KAZN: variants seen among roughly 807,000 people sequenced by gnomAD.
KAZN encodes kazrin, periplakin interacting protein, also known as kazrin.
KAZN carries 40 observed loss-of-function variants against 87.4 expected under a neutral mutation model. That is an observed-to-expected ratio of 0.46 (90% CI 0.36 to 0.60). The LOEUF is 0.60. KAZN is among the 20% of genes least tolerant of loss of function. The pLI is 0.00. For synonymous variants in KAZN, 466 were observed against 458.3 expected (o/e 1.02, Z -0.22); for missense variants, 898 against 1,073.9 (o/e 0.84, Z 2.29).
chr1:14,302,222 G>A (rs1371505060), intron 2 of KAZN, among the ~76,000 whole-genome samples: 1 of 152,202 alleles, frequency 6.6e-6, no homozygotes. Flanking sequence ...GACAAGTTTG[G>A]GAGCTGCAGT....
At position 14,931,274 on chromosome 1, in the gene KAZN, T is replaced by TAA. The variant is rs34539653; in HGVS notation, c.227-29399_227-29398dup. On this transcript the variant is annotated intron_variant, in intron 1 of 14. Transcript: ENST00000376030. ...CAACATGGTGAAACCCCATCTCTACTAAAAAAAAAAAATACAAAAATGAGC... is the reference window on the plus strand; with the variant it reads ...CAACATGGTGAAACCCCATCTCTACTAAAAAAAAAAAAAATACAAAAATGAGC... Among the ~76,000 whole-genome samples, 19 of 144,454 alleles carry TAA rather than the reference T, an allele frequency of 1.3e-4. No individual in the cohort carries two copies. In the East Asian group the frequency reaches 1.6e-3, roughly 12 times the overall value. The allele number at this position is 144,454 out of a possible 152,430, so 94.8% of individuals were successfully genotyped here.
At chr1:14,567,319 T>C (rs1383709168) in intron 2 of KAZN, among the ~76,000 whole-genome samples, 2 of 152,226 alleles carry the variant, frequency 1.3e-5, no homozygotes, top group African/African-American at 4.8e-5. Context: ...CACCATCTTA[T>C]ATTGTTGTGG....
chr1:14,278,581 C>T (rs199964015), intron 2 of KAZN, among the ~76,000 whole-genome samples: 4 of 152,100 alleles, frequency 2.6e-5, no homozygotes, highest in African/African-American at 9.7e-5. Context: ...TGAGCCACCG[C>T]GCCTGGTCTT....
chr1:14,186,772 G>T (rs1301192559), intron 2 of KAZN, among the ~76,000 whole-genome samples: 1 of 152,124 alleles, frequency 6.6e-6, no homozygotes, highest in Non-Finnish European at 1.5e-5. Context: ...AATTTACTCT[G>T]CCTGCTGCAT....
In KAZN at chr1:13,898,895, A is replaced by G. The variant is rs147969376; in HGVS notation, c.91+5139A>G. On this transcript the variant is annotated intron_variant, in intron 1 of 16. Transcript: ENST00000636203. ...GGAGCCTAGCTACATTTGGAAGCCA[A>G]TTGCCAAATTTATAACTAAGAGGGC... Among the ~76,000 whole-genome samples the G allele has an allele frequency of 1.8e-3, 274 of 152,352 alleles. 3 individuals carry two copies. The highest frequency in any genetic ancestry group is 0.016 in the South Asian group (76 of 4,824).
intron 1 of KAZN, among the ~76,000 whole-genome samples, chr1:14,824,429 G>A (rs1185990754): frequency 1.3e-5 from 2 of 152,150 alleles, no homozygotes; most frequent in Non-Finnish European, 2.9e-5. Context: ...AACCAATTAT[G>A]ATGTGTTAGC....
intron 1 of KAZN, among the ~76,000 whole-genome samples, chr1:14,890,671 T>C (rs990488486): frequency 6.6e-5 from 10 of 152,098 alleles, no homozygotes; most frequent in Admixed American, 5.9e-4. Context: ...CACTGATGAA[T>C]CTCAGAATGG....
intron 2 of KAZN, among the ~76,000 whole-genome samples, chr1:14,497,124 G>A (rs929314943): frequency 6.6e-6 from 1 of 151,978 alleles, no homozygotes; most frequent in African/African-American, 2.4e-5. Context: ...CACAAAAGAG[G>A]TACAGAAAAC....
At chr1:14,298,460 T>C (rs760298259) in intron 2 of KAZN, among the ~76,000 whole-genome samples, 6 of 152,250 alleles carry the variant, frequency 3.9e-5, no homozygotes, top group Admixed American at 2.0e-4. Context: ...TTGAACACAA[T>C]GCAGTTCTTT....
chr1:14,284,600 CTGTT>C (rs1289118704), intron 2 of KAZN, among the ~76,000 whole-genome samples: 1 of 152,082 alleles, frequency 6.6e-6, no homozygotes, highest in Non-Finnish European at 1.5e-5. Flanking sequence ...GTAAGGGAAA[CTGTT>C]TGCAGGAAAT....
intron 1 of KAZN, among the ~76,000 whole-genome samples, chr1:14,143,160 T>C (rs534249566): frequency 1.3e-5 from 2 of 152,326 alleles, no homozygotes; most frequent in African/African-American, 4.8e-5. Flanking sequence ...CGGTTCCTAA[T>C]TGTGATGCAT....
intron 2 of KAZN, among the ~76,000 whole-genome samples, chr1:14,581,925 G>C (rs932661990): frequency 6.6e-6 from 1 of 151,914 alleles, no homozygotes; most frequent in Admixed American, 6.6e-5. Flanking sequence ...TTTAGTTCCT[G>C]TTCCCCTCTC....
chr1:13,901,330 A>G (rs1639242874), intron 1 of KAZN, among the ~76,000 whole-genome samples: 1 of 152,250 alleles, frequency 6.6e-6, no homozygotes, highest in Non-Finnish European at 1.5e-5. Flanking sequence ...AAATTCCAAT[A>G]TTACTTAAAC....
chr1:14,555,823 AC>A (rs1371316877), intron 2 of KAZN, among the ~76,000 whole-genome samples: 1 of 152,140 alleles, frequency 6.6e-6, no homozygotes, highest in Non-Finnish European at 1.5e-5. Flanking sequence ...TAGTCAACTG[AC>A]CCCGATGTTT....
At chr1:14,085,968 T>C (rs2101604250) in intron 1 of KAZN, among the ~76,000 whole-genome samples, 1 of 152,340 alleles carries the variant, frequency 6.6e-6, no homozygotes, top group Non-Finnish European at 1.5e-5. Context: ...ATAGTGGTTT[T>C]GATTTGCTAT....
intron 2 of KAZN, among the ~76,000 whole-genome samples, chr1:14,374,373 G>A (rs1406277739): frequency 6.6e-6 from 1 of 152,316 alleles, no homozygotes; most frequent in Admixed American, 6.5e-5. Flanking sequence ...GGGGGATCAA[G>A]TCTCAAGTAC....
intron 2 of KAZN, among the ~76,000 whole-genome samples, chr1:14,526,785 T>C (rs1412222522): frequency 6.6e-6 from 1 of 152,180 alleles, no homozygotes; most frequent in Admixed American, 6.5e-5. Context: ...TCATTAAACA[T>C]GAGGTGTTCT....
chr1:14,168,954 TACC>T (rs1645891633), intron 1 of KAZN, among the ~76,000 whole-genome samples: 1 of 152,204 alleles, frequency 6.6e-6, no homozygotes. Context: ...TTGATGTTGT[TACC>T]ATCACCTCCC....
At chr1:14,207,271 A>G (rs569197782) in intron 2 of KAZN, among the ~76,000 whole-genome samples, 84 of 152,030 alleles carry the variant, frequency 5.5e-4, no homozygotes, top group Non-Finnish European at 1.0e-3. Context: ...GCCCATTTTT[A>G]CATCCTTTTT....
Sources: gnomAD v4.1 joint callset for allele counts (sites outside exome capture counted in the v4.1 genomes callset) on GRCh38, gnomAD v4.1.1 for gene constraint, MANE v1.5 for transcripts, NCBI Gene and HGNC (gene_info 2026-07-23, HGNC 2026-07-21) for gene names.